AGBL4: variants seen among roughly 807,000 people sequenced by gnomAD.
AGBL4 encodes the protein AGBL carboxypeptidase 4, also known as cytosolic carboxypeptidase 6.
Under a neutral mutation model 66.4 loss-of-function variants are expected in AGBL4, and 58 were observed. The observed-to-expected ratio is 0.87, with a 90% CI of 0.71 to 1.09. The LOEUF is 1.09. Among genes scored for constraint, AGBL4 ranks in the 50% least tolerant of loss-of-function variants. AGBL4 has a pLI of 0.00. For synonymous variants in AGBL4, 234 were observed against 222.9 expected (o/e 1.05, Z -0.44); for missense variants, 579 against 631.0 (o/e 0.92, Z 0.88).
chr1:48,690,097 T>C (rs1036666699), intron 6 of AGBL4, among the ~76,000 whole-genome samples: 13 of 152,254 alleles, frequency 8.5e-5, no homozygotes, highest in Admixed American at 2.0e-4. Flanking sequence ...TCCTGCGCCA[T>C]GGAGCCCATC....
Position 49,119,182 on chromosome 1 carries a change from C to T in AGBL4, c.378-73382G>A, listed in dbSNP as rs370567804. Among the ~76,000 whole-genome samples, 26 of 151,990 alleles carry T rather than the reference C, an allele frequency of 1.7e-4. No homozygotes were observed. The East Asian group carries it at 1.9e-3, about 11-fold the overall frequency. ...TTCATTGATTTTTTGAAGGGTTTTT[C>T]GTGTCTCTATCTCTTTCAATTCTGC... On this transcript the variant is annotated intron_variant, in intron 4 of 13. Transcript: ENST00000371839.
chr1:49,102,309 G>A (rs948192766), intron 4 of AGBL4, among the ~76,000 whole-genome samples: 2 of 152,134 alleles, frequency 1.3e-5, no homozygotes, highest in African/African-American at 2.4e-5. Flanking sequence ...GTAAAAATCC[G>A]AGAGATCAGG....
Position 49,364,129 on chromosome 1 carries a change from G to A in AGBL4, c.283-118265C>T, listed in dbSNP as rs148394459. Among the ~76,000 whole-genome samples, 13 of 152,276 alleles carry A rather than the reference G, an allele frequency of 8.5e-5. No individual in the cohort carries two copies. In the South Asian group the frequency reaches 1.5e-3, roughly 17 times the overall value. On this transcript the variant is annotated intron_variant, in intron 3 of 13. Transcript: ENST00000371839. ...CAGAGAGGTAGGAGATGATAAGGCC[G>A]TTTGGGAAACTGAGTGCCTATAATA...
chr1:49,292,269 G>A (rs917131296), intron 3 of AGBL4, among the ~76,000 whole-genome samples: 27 of 152,288 alleles, frequency 1.8e-4, no homozygotes, highest in African/African-American at 5.8e-4. Flanking sequence ...GCTCATCACT[G>A]GTTTGCAGGC....
rs1324611848 is a variant in AGBL4 at position 49,658,673 on chromosome 1, C to T, written c.282+38640G>A. On this transcript the variant is annotated intron_variant, in intron 3 of 13. Coordinates refer to ENST00000371839, the MANE Select transcript of AGBL4 (RefSeq NM_032785.4). ...CACATATACACCATGGAATACTATG[C>T]AGCCATGAAAAATGATGAGTTCATG... 4.6e-5 allele frequency among the ~76,000 whole-genome samples: 7 copies of T among 152,246 alleles called. 1 individual carries two copies. The South Asian group carries it at 1.5e-3, about 32-fold the overall frequency.
At chr1:49,651,392 A>C (rs1182277089) in intron 3 of AGBL4, among the ~76,000 whole-genome samples, 1 of 152,068 alleles carries the variant, frequency 6.6e-6, no homozygotes, top group Non-Finnish European at 1.5e-5. Context: ...CTACTCTTAA[A>C]CACCACCTAC....
At chr1:48,532,256 A>G (rs1643910389), downstream of AGBL4, among the ~76,000 whole-genome samples, 1 of 152,252 alleles carries the variant, frequency 6.6e-6, no homozygotes, top group Non-Finnish European at 1.5e-5. Context: ...TTAAACTTTC[A>G]TAACTATTAT....
intron 2 of AGBL4, among the ~76,000 whole-genome samples, chr1:49,840,527 C>T (rs184201091): frequency 3.9e-5 from 6 of 152,242 alleles, no homozygotes; most frequent in African/African-American, 1.4e-4. Flanking sequence ...TATGAAGCCA[C>T]TCTCAGCCTA....
chr1:49,983,343 T>C (rs1659232467), intron 1 of AGBL4, among the ~76,000 whole-genome samples: 2 of 152,242 alleles, frequency 1.3e-5, no homozygotes, highest in Admixed American at 6.5e-5. Flanking sequence ...CTGCTTGTGG[T>C]ACACCTAATC....
intron 4 of AGBL4, among the ~76,000 whole-genome samples, chr1:49,097,719 T>C (rs1285789171): frequency 6.6e-6 from 1 of 152,230 alleles, no homozygotes; most frequent in African/African-American, 2.4e-5. Context: ...TAGCTGGGAT[T>C]ACAGGCGTGC....
intron 6 of AGBL4, among the ~76,000 whole-genome samples, chr1:48,789,292 A>ATTTT (rs1314865386): frequency 8.1e-5 from 9 of 110,832 alleles, no homozygotes; most frequent in African/African-American, 2.8e-4. Context: ...ATATATATAT[A>ATTTT]TATTTTTTTT....
At position 48,601,440 on chromosome 1, in the gene AGBL4, C is replaced by T. The variant is rs1173703893; in HGVS notation, c.952-10455G>A. On this transcript the variant is annotated intron_variant, in intron 9 of 13. Transcript: ENST00000371839. ...CACTGGGGATATGGACCTCCTGGAGCTCAAAACCTTGTGAAGAAGAAAGAC... is the reference window on the plus strand; with the variant it reads ...CACTGGGGATATGGACCTCCTGGAGTTCAAAACCTTGTGAAGAAGAAAGAC... Among the ~76,000 whole-genome samples, 6 of 152,136 alleles carry T rather than the reference C, an allele frequency of 3.9e-5. No individual in the cohort carries two copies. The East Asian group carries it at 1.2e-3, about 29-fold the overall frequency.
At chr1:48,846,000 G>T (rs1276354171) in intron 6 of AGBL4, among the ~76,000 whole-genome samples, 1 of 152,112 alleles carries the variant, frequency 6.6e-6, no homozygotes, top group East Asian at 1.9e-4. Context: ...TCTAGTGGAG[G>T]CCAATGTGGT....
chr1:48,704,684 C>T (rs320046), intron 6 of AGBL4, among the ~76,000 whole-genome samples: 139,157 of 152,180 alleles, frequency 0.91, 64,887 homozygotes, highest in Non-Finnish European at 1. Context: ...TCTTGTGACA[C>T]GGGAAGGTCT....
chr1:48,601,046 C>T (rs761813500), intron 9 of AGBL4, among the ~76,000 whole-genome samples: 13 of 152,130 alleles, frequency 8.5e-5, no homozygotes, highest in Admixed American at 1.3e-4. Flanking sequence ...CTTCCCAGGG[C>T]AAATGATGAA....
intron 3 of AGBL4, among the ~76,000 whole-genome samples, chr1:49,620,578 G>A (rs149752940): frequency 6.6e-6 from 1 of 152,084 alleles, no homozygotes; most frequent in Non-Finnish European, 1.5e-5. Flanking sequence ...CAAGGACCTA[G>A]AACCAAAAAT....
At chr1:49,651,311 A>C (rs1646000254) in intron 3 of AGBL4, among the ~76,000 whole-genome samples, 1 of 151,870 alleles carries the variant, frequency 6.6e-6, no homozygotes, top group Admixed American at 6.6e-5. Flanking sequence ...CCCAACACAA[A>C]TTTCCCCTGC....
At chr1:49,861,593 G>A (rs563800249) in intron 1 of AGBL4, among the ~76,000 whole-genome samples, 9 of 152,172 alleles carry the variant, frequency 5.9e-5, no homozygotes, top group East Asian at 5.8e-4. Flanking sequence ...CAATCTCTAC[G>A]TTAAATTCAT....
At chr1:48,926,570 T>C (rs1209143720) in intron 5 of AGBL4, among the ~76,000 whole-genome samples, 1 of 152,022 alleles carries the variant, frequency 6.6e-6, no homozygotes, top group African/African-American at 2.4e-5. Context: ...ATTACAGGTA[T>C]GAGGCGTCAC....
Sources: gnomAD v4.1 joint callset for allele counts (sites outside exome capture counted in the v4.1 genomes callset) on GRCh38, gnomAD v4.1.1 for gene constraint, MANE v1.5 for transcripts, NCBI Gene and HGNC (gene_info 2026-07-23, HGNC 2026-07-21) for gene names.